Variants in ZNF665 observed in about 807,000 individuals in gnomAD.
The protein encoded by ZNF665 is zinc finger protein 665.
A neutral mutation model predicts 7.9 loss-of-function variants in ZNF665; 6 were observed. The ratio of observed to expected loss-of-function variants is 0.76; its 90% CI spans 0.42 to 1.50. The LOEUF (loss-of-function observed/expected upper bound fraction) is 1.50. ZNF665 is among the 40% of genes most tolerant of loss of function. ZNF665 has a pLI of 0.01. For missense variants in ZNF665, 819 were observed against 806.7 expected (o/e 1.02, Z -0.18); for synonymous variants, 242 against 274.5 (o/e 0.88, Z 1.17).
At chr19:53,169,080 G>GA (rs933877666) in intron 3 of ZNF665, among the ~76,000 whole-genome samples, 1 of 150,876 alleles carries the variant, frequency 6.6e-6, no homozygotes, top group African/African-American at 2.4e-5. Context: ...ATCCATAAAA[G>GA]AAAAAAAAGA....
intron 2 of ZNF665, among the ~76,000 whole-genome samples, chr19:53,179,246 G>C (rs961746080): frequency 5.3e-5 from 8 of 151,918 alleles, no homozygotes; most frequent in African/African-American, 9.6e-5. Context: ...CGTGGTGGCG[G>C]ACGCCTGTAG....
At position 53,164,606 on chromosome 19, in the gene ZNF665, A is replaced by G. The variant is rs748317569; in HGVS notation, c.1884T>C (p.Cys628=). 6.2e-6 allele frequency: 10 copies of G among 1,614,030 alleles called. No homozygotes were observed. Among genetic ancestry groups the G allele is most frequent in the Admixed American group, 1.7e-5 (1 of 59,996 alleles). Residue 628 remains cysteine, a synonymous_variant, in exon 4 of 4, where the codon TGT becomes TGC. Coordinates refer to ENST00000396424, the MANE Select transcript of ZNF665 (RefSeq NM_024733.5). ...CACTGAAGGCTTTCCCACACTCATT[A>G]CACCTATAAGGTTTTTCTCCAGTGT... is the stretch of plus-strand genomic sequence containing the variant. ...RIHTGEKPYR[C]NECGKAFSVR... is the part of the protein sequence containing the mutation.
intron 1 of ZNF665, among the ~76,000 whole-genome samples, chr19:53,191,311 CTT>C (rs72189857): frequency 0.05 from 7,541 of 152,168 alleles, 495 homozygotes; most frequent in African/African-American, 0.15. Context: ...GGGAAAAACA[CTT>C]TGGTTTTTCC....
intron 3 of ZNF665, among the ~76,000 whole-genome samples, chr19:53,174,641 T>C (rs954857614): frequency 1.4e-4 from 22 of 152,028 alleles, no homozygotes. Flanking sequence ...AGATTCCTGC[T>C]TATGAGAAGA....
chr19:53,164,287 A>G lies in ZNF665; in HGVS notation c.*166T>C. On this transcript the variant is annotated 3_prime_UTR_variant, in exon 4 of 4. Coordinates refer to ENST00000396424, the MANE Select transcript of ZNF665 (RefSeq NM_024733.5). ...CGAGTAGCTGGGATTACAGGCGTGC[A>G]CCACCACACCCAGCTAATTTTTGTA... The G allele has an allele frequency of 1.8e-6, 1 of 547,032 alleles. No homozygotes were observed. Among genetic ancestry groups the G allele is most frequent in the Non-Finnish European group, 3.1e-6 (1 of 319,250 alleles). 33.9% of individuals were successfully genotyped at this position (547,032 alleles called of 1,614,324 possible).
chr19:53,182,396 T>C (rs1011519338), intron 2 of ZNF665: 33 of 365,880 alleles, frequency 9.0e-5, no homozygotes, highest in African/African-American at 3.6e-4. Context: ...AAAAAGGAGT[T>C]TGGAGTCAGA....
chr19:53,165,821 G>C lies in ZNF665; in HGVS notation c.669C>G (p.Ile223Met), dbSNP rs1412860981. The C allele has an allele frequency of 3.7e-6, 6 of 1,613,734 alleles. No homozygotes were observed. Among genetic ancestry groups the C allele is most frequent in the African/African-American group, 2.7e-5 (2 of 74,814 alleles). ...KAFTVRSNLT[I>M]HQVIHTGEKP... Reference sequence around the variant, plus strand: ...TTTCTCCAGTATGGATGACCTGATGGATTGTTAGGTTTGAACGAACAGTAA... The same window carrying C: ...TTTCTCCAGTATGGATGACCTGATGCATTGTTAGGTTTGAACGAACAGTAA... Residue 223 changes from isoleucine (I) to methionine (M), a missense_variant, in exon 4 of 4, where the codon ATC (isoleucine) becomes ATG (methionine). Transcript: ENST00000396424.
At chr19:53,191,331 T>C (rs1469019587) in intron 1 of ZNF665, among the ~76,000 whole-genome samples, 1 of 152,148 alleles carries the variant, frequency 6.6e-6, no homozygotes, top group African/African-American at 2.4e-5. Context: ...TCCTCCTCAC[T>C]CATACACTTG....
chr19:53,171,535 T>G (rs1350378419), intron 3 of ZNF665, among the ~76,000 whole-genome samples: 1 of 133,390 alleles, frequency 7.5e-6, no homozygotes, highest in Non-Finnish European at 1.6e-5. Flanking sequence ...TTTTTTTTTT[T>G]TTTTTCTTTT....
chr19:53,170,259 TA>T (rs1429989334), intron 3 of ZNF665, among the ~76,000 whole-genome samples: 2 of 152,236 alleles, frequency 1.3e-5, no homozygotes, highest in African/African-American at 2.4e-5. Flanking sequence ...ATAACTTTTT[TA>T]AAAAAAACTT....
intron 2 of ZNF665, among the ~76,000 whole-genome samples, chr19:53,176,976 A>G (rs1012671206): frequency 6.6e-6 from 1 of 152,014 alleles, no homozygotes; most frequent in Non-Finnish European, 1.5e-5. Context: ...AAAAATAGCC[A>G]GGTGTGGTGG....
intron 1 of ZNF665, chr19:53,191,809 C>G (rs545139137): frequency 6.6e-6 from 1 of 152,034 alleles, no homozygotes; most frequent in Non-Finnish European, 1.5e-5. Context: ...TGCCATTGCA[C>G]GCCAGTCTGG....
At chr19:53,174,547 C>T (rs1181077019) in intron 3 of ZNF665, among the ~76,000 whole-genome samples, 1 of 152,160 alleles carries the variant, frequency 6.6e-6, no homozygotes, top group East Asian at 1.9e-4. Context: ...GATCCACTCC[C>T]AGTTTCTATT....
At chr19:53,173,204 C>T (rs577535922) in intron 3 of ZNF665, among the ~76,000 whole-genome samples, 1 of 152,194 alleles carries the variant, frequency 6.6e-6, no homozygotes, top group East Asian at 1.9e-4. Context: ...CATTTTGAAT[C>T]AATTTTGGTA....
At chr19:53,173,977 A>G (rs1289674125) in intron 3 of ZNF665, among the ~76,000 whole-genome samples, 1 of 152,158 alleles carries the variant, frequency 6.6e-6, no homozygotes, top group East Asian at 1.9e-4. Flanking sequence ...AAAGTGGAAG[A>G]GAAGAAGTAG....
intron 3 of ZNF665, among the ~76,000 whole-genome samples, chr19:53,168,074 A>G (rs1568656245): frequency 1.3e-5 from 2 of 149,374 alleles, no homozygotes; most frequent in African/African-American, 4.9e-5. Context: ...AAAAAAAAAA[A>G]AAAAAAAAGA....
intron 3 of ZNF665, among the ~76,000 whole-genome samples, chr19:53,172,120 T>C (rs2090663081): frequency 6.6e-6 from 1 of 152,142 alleles, no homozygotes; most frequent in African/African-American, 2.4e-5. Flanking sequence ...ACATACCTAA[T>C]TTTTTCTTAA....
chr19:53,164,432 C>T lies in ZNF665; in HGVS notation c.*21G>A, dbSNP rs138817165. 1.4e-4 allele frequency: 218 copies of T among 1,533,002 alleles called. No individual in the cohort carries two copies. Among genetic ancestry groups the T allele is most frequent in the Non-Finnish European group, 1.8e-4 (209 of 1,140,730 alleles). The allele number at this position is 1,533,002 out of a possible 1,614,324, so 95.0% of individuals were successfully genotyped here. A position where few individuals can be genotyped will look rare whatever the true frequency, so the allele number is the denominator to read the frequency against. ...GGATTACAGGCGTGAGCCACCACGC[C>T]CGGCGTCCTTTGTAAGGTTTCTATC... On this transcript the variant is annotated 3_prime_UTR_variant, in exon 4 of 4. Coordinates refer to ENST00000396424, the MANE Select transcript of ZNF665 (RefSeq NM_024733.5).
At chr19:53,179,373 G>A (rs569059794) in intron 2 of ZNF665, among the ~76,000 whole-genome samples, 22 of 89,500 alleles carry the variant, frequency 2.5e-4, no homozygotes, top group South Asian at 9.5e-4. Context: ...GCGAGATTCC[G>A]TCTCAAAAAA....
Sources: gnomAD v4.1 joint callset for allele counts (sites outside exome capture counted in the v4.1 genomes callset) on GRCh38, gnomAD v4.1.1 for gene constraint, MANE v1.5 for transcripts, NCBI Gene and HGNC (gene_info 2026-07-23, HGNC 2026-07-21) for gene names.